KCND3: variants seen among roughly 807,000 people sequenced by gnomAD.
KCND3 encodes the protein A-type voltage-gated potassium channel KCND3.
In KCND3, 9 loss-of-function variants were observed where a neutral mutation model predicts 51.1. The ratio of observed to expected loss-of-function variants is 0.18; its 90% CI spans 0.11 to 0.31. The LOEUF is 0.31. KCND3 is among the 10% of genes least tolerant of loss of function. KCND3 has a pLI of 1.00. For synonymous variants in KCND3, 349 were observed against 368.0 expected (o/e 0.95, Z 0.59); for missense variants, 526 against 903.8 (o/e 0.58, Z 5.36).
At chr1:111,930,498 A>G (rs1456978161) in intron 2 of KCND3, among the ~76,000 whole-genome samples, 4 of 152,224 alleles carry the variant, frequency 2.6e-5, no homozygotes, top group African/African-American at 7.2e-5. Flanking sequence ...GCAGTAGACC[A>G]AGAAGCCAGC....
At chr1:111,835,709 T>C (rs1241660420) in intron 2 of KCND3, among the ~76,000 whole-genome samples, 1 of 152,232 alleles carries the variant, frequency 6.6e-6, no homozygotes, top group Non-Finnish European at 1.5e-5. Context: ...GTAGGAACCC[T>C]TAGTTCTGGG....
intron 2 of KCND3, among the ~76,000 whole-genome samples, chr1:111,847,697 C>T (rs1426949597): frequency 6.6e-6 from 1 of 152,190 alleles, no homozygotes; most frequent in African/African-American, 2.4e-5. Context: ...TTAATCAATA[C>T]AGGCCCTTCA....
intron 2 of KCND3, among the ~76,000 whole-genome samples, chr1:111,810,490 A>G (rs17028649): frequency 0.082 from 12,438 of 152,234 alleles, 888 homozygotes; most frequent in African/African-American, 0.18. Flanking sequence ...GGCACCTTCT[A>G]ACTTTCTCTC....
chr1:111,916,374 A>G (rs1671218831), intron 2 of KCND3, among the ~76,000 whole-genome samples: 1 of 152,186 alleles, frequency 6.6e-6, no homozygotes, highest in African/African-American at 2.4e-5. Context: ...TTTTGAACTG[A>G]AAAAAATGAC....
At chr1:111,816,137 C>G (rs188836355) in intron 2 of KCND3, among the ~76,000 whole-genome samples, 1 of 152,258 alleles carries the variant, frequency 6.6e-6, no homozygotes, top group Non-Finnish European at 1.5e-5. Context: ...TAGGGCATTT[C>G]TGTGACTTAG....
At chr1:111,911,752 C>T (rs532064970) in intron 2 of KCND3, among the ~76,000 whole-genome samples, 20 of 152,334 alleles carry the variant, frequency 1.3e-4, no homozygotes, top group Middle Eastern at 3.4e-3. Flanking sequence ...ACTGGATTTA[C>T]CTTTCTGTCT....
At chr1:111,879,187 T>G (rs1181913802) in intron 2 of KCND3, among the ~76,000 whole-genome samples, 1 of 152,198 alleles carries the variant, frequency 6.6e-6, no homozygotes, top group African/African-American at 2.4e-5. Flanking sequence ...TCCATCATCA[T>G]GCGAGCCAAC....
intron 2 of KCND3, among the ~76,000 whole-genome samples, chr1:111,886,878 A>G (rs947163360): frequency 1.3e-5 from 2 of 152,210 alleles, no homozygotes; most frequent in African/African-American, 4.8e-5. Context: ...GAAGGCAGTG[A>G]GCACTGTATT....
chr1:111,974,555 C>A (rs1674526856), intron 2 of KCND3, among the ~76,000 whole-genome samples: 1 of 152,096 alleles, frequency 6.6e-6, no homozygotes, highest in Non-Finnish European at 1.5e-5. Flanking sequence ...GGAAAGAGCT[C>A]CCAGCTACAA....
intron 2 of KCND3, among the ~76,000 whole-genome samples, chr1:111,955,362 C>T (rs1673276193): frequency 6.6e-6 from 1 of 152,066 alleles, no homozygotes; most frequent in Admixed American, 6.6e-5. Context: ...TGCAGTGAGC[C>T]ATGACTGCAT....
At chr1:111,781,644 T>C (rs1175516050) in intron 3 of KCND3, among the ~76,000 whole-genome samples, 2 of 152,138 alleles carry the variant, frequency 1.3e-5, no homozygotes, top group African/African-American at 2.4e-5. Flanking sequence ...CTCAGCCTCC[T>C]GAGTAGCTGG....
intron 2 of KCND3, among the ~76,000 whole-genome samples, chr1:111,873,083 C>A (rs748681952): frequency 6.6e-6 from 1 of 152,220 alleles, no homozygotes; most frequent in Non-Finnish European, 1.5e-5. Flanking sequence ...TGGCTAATGC[C>A]TCTTTTGGTC....
rs1013590135 is a variant in KCND3, at chr1:111,784,685, G to C, written c.1269+2259C>G. Among the ~76,000 whole-genome samples, 5 of 152,136 alleles carry C rather than the reference G, an allele frequency of 3.3e-5. No individual in the cohort carries two copies. In the East Asian group the frequency reaches 7.7e-4, roughly 23 times the overall value. ...TGGTGACAGACTCAATGCTGGAGCAGCCAGCATTTTTTTTCCCTCTTATAG... is the reference window on the plus strand; with the variant it reads ...TGGTGACAGACTCAATGCTGGAGCACCCAGCATTTTTTTTCCCTCTTATAG... On this transcript the variant is annotated intron_variant, in intron 3 of 7. Transcript: ENST00000302127.
At chr1:111,778,394 A>C in intron 6 of KCND3, 42 bp downstream of exon 6, 4 of 1,564,174 alleles carry the variant, frequency 2.6e-6, no homozygotes, top group Non-Finnish European at 2.6e-6. Flanking sequence ...ACTCAGAATT[A>C]TCAGAGAGAA....
intron 2 of KCND3, among the ~76,000 whole-genome samples, chr1:111,952,204 G>C (rs1297744933): frequency 6.6e-6 from 1 of 152,170 alleles, no homozygotes. Context: ...CTTTCAGCCT[G>C]GACTAGGGAA....
At chr1:111,854,944 A>G (rs1667991662) in intron 2 of KCND3, among the ~76,000 whole-genome samples, 2 of 152,094 alleles carry the variant, frequency 1.3e-5, no homozygotes, top group Admixed American at 1.3e-4. Context: ...AATCTCACTC[A>G]CATTTCCTGG....
At chr1:111,948,776 T>C (rs1214034973) in intron 2 of KCND3, among the ~76,000 whole-genome samples, 1 of 151,414 alleles carries the variant, frequency 6.6e-6, no homozygotes, top group Non-Finnish European at 1.5e-5. Flanking sequence ...CAGACAACCA[T>C]GCACAGCAGG....
At chr1:111,920,517 C>G (rs1254423008) in intron 2 of KCND3, among the ~76,000 whole-genome samples, 1 of 152,260 alleles carries the variant, frequency 6.6e-6, no homozygotes, top group Non-Finnish European at 1.5e-5. Flanking sequence ...GTGCTGGGTG[C>G]TTCCTCCTCT....
At chr1:111,895,854 A>G (rs1393177084) in intron 2 of KCND3, among the ~76,000 whole-genome samples, 1 of 152,198 alleles carries the variant, frequency 6.6e-6, no homozygotes, top group Non-Finnish European at 1.5e-5. Flanking sequence ...TCCTGGGGGT[A>G]AGAGTATGAC....
Sources: gnomAD v4.1 joint callset for allele counts (sites outside exome capture counted in the v4.1 genomes callset) on GRCh38, gnomAD v4.1.1 for gene constraint, MANE v1.5 for transcripts, NCBI Gene and HGNC (gene_info 2026-07-23, HGNC 2026-07-21) for gene names.